ZNF385D: variants seen among roughly 807,000 people sequenced by gnomAD.
ZNF385D encodes the protein zinc finger protein 659.
Under a neutral mutation model 35.8 loss-of-function variants are expected in ZNF385D, and 15 were observed. That is an observed-to-expected ratio of 0.42 (90% CI 0.28 to 0.64). The LOEUF is 0.64. ZNF385D is among the 30% of genes least tolerant of loss of function. The probability of loss-of-function intolerance (pLI) is 0.23; values close to 1 mark genes in which losing one functional copy is unlikely to be tolerated. For synonymous variants in ZNF385D, 212 were observed against 186.8 expected, an observed-to-expected ratio of 1.13 and a Z score of -1.10; for missense variants, 474 against 494.6, an observed-to-expected ratio of 0.96 and a Z score of 0.39.
At chr3:22,125,023 T>C (rs59870716) in intron 3 of ZNF385D, among the ~76,000 whole-genome samples, 3,247 of 152,174 alleles carry the variant, frequency 0.021, 118 homozygotes, top group African/African-American at 0.075. Context: ...TTCCCCAAGG[T>C]TTTATTTTAG....
At chr3:22,184,386 C>CGT (rs1553624659) in intron 2 of ZNF385D, among the ~76,000 whole-genome samples, 2 of 152,018 alleles carry the variant, frequency 1.3e-5, no homozygotes, top group African/African-American at 4.8e-5. Context: ...ATCATTTCAA[C>CGT]ATGTTTTATC....
At position 21,997,864 on chromosome 3, in the gene ZNF385D, CGCGCGCGCGT is replaced by C. The variant is rs1353312195; in HGVS notation, c.325+170943_325+170952del. 1.3e-3 allele frequency among the ~76,000 whole-genome samples: 139 copies of C among 105,966 alleles called. 1 individual carries two copies. The highest frequency in any genetic ancestry group is 1.2e-3 in the Non-Finnish European group (57 of 46,668). 69.5% of individuals were successfully genotyped at this position (105,966 alleles called of 152,430 possible). ...TGTTGATGTTGCTATTTGGCGCGCG[CGCGCGCGCGT>C]GTGTGTGTGTGTGTGTGTGTGTGTG... On this transcript the variant is annotated intron_variant, in intron 3 of 5. Transcript: ENST00000494108.
At chr3:21,754,293 T>C (rs1325690584), upstream of ZNF385D, among the ~76,000 whole-genome samples, 2 of 152,190 alleles carry the variant, frequency 1.3e-5, no homozygotes, top group African/African-American at 4.8e-5. Flanking sequence ...GGGAGCGACT[T>C]AGCAGCTTCT....
intron 2 of ZNF385D, among the ~76,000 whole-genome samples, chr3:22,312,661 T>A (rs1338794510): frequency 1.3e-5 from 2 of 152,098 alleles, no homozygotes; most frequent in African/African-American, 4.8e-5. Context: ...GTGCTCATTA[T>A]CACTGGCCAT....
chr3:21,904,411 T>C (rs1014780253), intron 3 of ZNF385D, among the ~76,000 whole-genome samples: 4 of 151,958 alleles, frequency 2.6e-5, no homozygotes, highest in African/African-American at 7.3e-5. Flanking sequence ...AAGTGTGGCA[T>C]AGTTCTTTTG....
intron 3 of ZNF385D, among the ~76,000 whole-genome samples, chr3:21,763,354 T>C (rs1371352226): frequency 6.6e-6 from 1 of 152,164 alleles, no homozygotes; most frequent in Admixed American, 6.5e-5. Context: ...TTATCTTTTC[T>C]AGGGGTGTCA....
At chr3:22,223,456 A>G (rs1276716894) in intron 2 of ZNF385D, among the ~76,000 whole-genome samples, 1 of 151,986 alleles carries the variant, frequency 6.6e-6, no homozygotes, top group Non-Finnish European at 1.5e-5. Flanking sequence ...ATGGGATTGA[A>G]CACTATTTTT....
intron 4 of ZNF385D, among the ~76,000 whole-genome samples, chr3:21,496,023 C>T (rs1396090092): frequency 6.6e-6 from 1 of 151,676 alleles, no homozygotes; most frequent in East Asian, 1.9e-4. Context: ...CTGAAAAAAC[C>T]AATAACAAGT....
chr3:21,773,539 C>T (rs2071163903), intron 3 of ZNF385D, among the ~76,000 whole-genome samples: 1 of 151,846 alleles, frequency 6.6e-6, no homozygotes, highest in Non-Finnish European at 1.5e-5. Context: ...AGTCTAATAT[C>T]CAGAATCTAC....
intron 4 of ZNF385D, among the ~76,000 whole-genome samples, chr3:21,460,220 T>C (rs941264391): frequency 6.6e-6 from 1 of 152,200 alleles, no homozygotes; most frequent in Non-Finnish European, 1.5e-5. Context: ...AATTCAAGTA[T>C]TGTTTAGTGT....
At chr3:21,793,783 G>C (rs1030726561) in intron 3 of ZNF385D, among the ~76,000 whole-genome samples, 2 of 152,154 alleles carry the variant, frequency 1.3e-5, no homozygotes, top group African/African-American at 4.8e-5. Context: ...ATTCTGTAAG[G>C]AACCTTAAAA....
chr3:21,602,384 A>T (rs968319562), intron 2 of ZNF385D, among the ~76,000 whole-genome samples: 1 of 152,104 alleles, frequency 6.6e-6, no homozygotes, highest in Non-Finnish European at 1.5e-5. Context: ...GCAAATATTG[A>T]TGAAAATAAT....
At chr3:21,647,082 T>C (rs1410457912) in intron 2 of ZNF385D, among the ~76,000 whole-genome samples, 1 of 152,214 alleles carries the variant, frequency 6.6e-6, no homozygotes, top group Non-Finnish European at 1.5e-5. Flanking sequence ...TAATATTATA[T>C]TTACAGACAA....
intron 3 of ZNF385D, among the ~76,000 whole-genome samples, chr3:22,050,778 A>G (rs758078395): frequency 2.0e-5 from 3 of 152,196 alleles, no homozygotes; most frequent in Non-Finnish European, 4.4e-5. Context: ...TTGTATATTT[A>G]TATTAAATAA....
intron 1 of ZNF385D, among the ~76,000 whole-genome samples, chr3:21,694,107 G>A (rs1344502910): frequency 7.2e-6 from 1 of 138,038 alleles, no homozygotes; most frequent in Admixed American, 7.7e-5. Flanking sequence ...ACAGTGGCGC[G>A]ATCTCGGCTC....
chr3:21,732,027 GGGGTTTTTTTTT>G (rs2069025291), intron 1 of ZNF385D, among the ~76,000 whole-genome samples: 1,034 of 64,232 alleles, frequency 0.016, 268 homozygotes, highest in Non-Finnish European at 0.018. Context: ...TTCTTTTTTC[GGGGTTTTTTTTT>G]TTTTTTTTTT....
rs569907759 is a variant in ZNF385D at position 21,858,865 on chromosome 3, A to G, written c.326-193837T>C. On this transcript the variant is annotated intron_variant, in intron 3 of 5. Coordinates refer to the ZNF385D transcript ENST00000494108. ...CAATATCCTGCCATGGTGCAGTTCT[A>G]TGCTGCTCACTCACCTCACAGTGCC... is the stretch of plus-strand genomic sequence containing the variant. 4.6e-5 allele frequency among the ~76,000 whole-genome samples: 7 copies of G among 152,192 alleles called. No homozygotes were observed. The East Asian group carries it at 7.8e-4, about 17-fold the overall frequency.
intron 3 of ZNF385D, among the ~76,000 whole-genome samples, chr3:22,124,235 C>T (rs1467343865): frequency 6.6e-6 from 1 of 151,966 alleles, no homozygotes; most frequent in African/African-American, 2.4e-5. Flanking sequence ...CAGCTTCATC[C>T]ATGCTGTTGC....
At chr3:21,893,228 A>C (rs1698970989) in intron 3 of ZNF385D, among the ~76,000 whole-genome samples, 1 of 152,316 alleles carries the variant, frequency 6.6e-6, no homozygotes, top group South Asian at 2.1e-4. Flanking sequence ...AAGGCAGAAC[A>C]AACTGGATTG....
Sources: gnomAD v4.1 joint callset for allele counts (sites outside exome capture counted in the v4.1 genomes callset) on GRCh38, gnomAD v4.1.1 for gene constraint, MANE v1.5 for transcripts, NCBI Gene and HGNC (gene_info 2026-07-23, HGNC 2026-07-21) for gene names.